The following TMEM132A variants were observed in gnomAD, a reference collection of about 807,000 sequenced individuals.
TMEM132A encodes GRP78-binding protein.
A neutral mutation model predicts 69.9 loss-of-function variants in TMEM132A; 48 were observed. The observed-to-expected ratio is 0.69, with a 90% CI of 0.55 to 0.87. TMEM132A has a LOEUF of 0.87. TMEM132A is among the 40% of genes least tolerant of loss of function. The pLI is 0.00. For synonymous variants in TMEM132A, 577 were observed against 613.7 expected, an observed-to-expected ratio of 0.94 and a Z score of 0.88; for missense variants, 1,287 against 1,407.2, an observed-to-expected ratio of 0.91 and a Z score of 1.37.
Position 60,937,126 on chromosome 11 carries a change from C to T in TMEM132A, c.*219C>T, listed in dbSNP as rs1166516162. 6.6e-7 allele frequency: 1 copy of T among 1,512,880 alleles called. No individual in the cohort carries two copies. The highest frequency in any genetic ancestry group is 8.9e-7 in the Non-Finnish European group (1 of 1,128,268). 93.7% of individuals were successfully genotyped at this position (1,512,880 alleles called of 1,614,324 possible). A position where few individuals can be genotyped will look rare whatever the true frequency, so the allele number is the denominator to read the frequency against. ...TGCCCCTTATTTATGGGAACCATTT[C>T]ATTCTAACAGAATAAACCGAGAAGG... On this transcript the variant is annotated 3_prime_UTR_variant, in exon 11 of 11. Transcript: ENST00000453848.
chr11:60,928,893 C>A lies in TMEM132A; in HGVS notation c.799C>A (p.Pro267Thr), dbSNP rs1856413232. 1 of 1,612,792 alleles carries A rather than the reference C, an allele frequency of 6.2e-7. No homozygotes were observed. Among genetic ancestry groups the A allele is most frequent in the Non-Finnish European group, 8.5e-7 (1 of 1,180,018 alleles). Residue 267 changes from proline to threonine, a missense_variant, in exon 4 of 11, where the codon CCC becomes ACC. Pro to Thr is a conservative substitution (Grantham distance 38). Coordinates refer to ENST00000453848, the MANE Select transcript of TMEM132A (RefSeq NM_178031.3). ...TLRVPDMPVRPGQLFSATLLL... is the reference protein window; with the variant it reads ...TLRVPDMPVRTGQLFSATLLL... ...GCGGGTGCCTGACATGCCAGTGCGG[C>A]CCGGCCAGCTCTTTAGTGCTACCCT...
At chr11:60,926,826 G>A (rs1221002720) in intron 1 of TMEM132A, among the ~76,000 whole-genome samples, 2 of 152,174 alleles carry the variant, frequency 1.3e-5, no homozygotes, top group African/African-American at 4.8e-5. Context: ...TACTACACTG[G>A]CCCAGTCTGC....
chr11:60,931,963 G>A (rs368941480), intron 6 of TMEM132A, 21 bp from the exon 7 acceptor site: 72 of 1,611,936 alleles, frequency 4.5e-5, no homozygotes, highest in Non-Finnish European at 5.8e-5. Flanking sequence ...GCCTGGGGCT[G>A]AGCCCCTCCT....
chr11:60,935,389 C>T lies in TMEM132A; in HGVS notation c.1974C>T (p.Pro658=), dbSNP rs749612894. 15 of 1,612,038 alleles carry T rather than the reference C, an allele frequency of 9.3e-6. No individual in the cohort carries two copies. Among genetic ancestry groups the T allele is most frequent in the South Asian group, 5.5e-5 (5 of 90,472 alleles). The part of the protein sequence containing the change: ...SLTLSRGTAH[P]GEVTATCWAQ... ...CCTTGAGCCGGGGCACTGCCCACCCCGGGGAGGTCACAGCTACGTGCTGGG... is the reference window on the plus strand; with the variant it reads ...CCTTGAGCCGGGGCACTGCCCACCCTGGGGAGGTCACAGCTACGTGCTGGG... Residue 658 remains proline, a synonymous_variant, in exon 10 of 11, where the codon CCC becomes CCT. Transcript: ENST00000453848. This position sits in a 1 kb window ranked among gnomAD's most constrained non-coding sequence, Gnocchi z 5.0.
Position 60,931,690 on chromosome 11 carries a change from C to A in TMEM132A, c.1018C>A (p.Pro340Thr), listed in dbSNP as rs1184959988. 3 of 1,607,398 alleles carry A rather than the reference C, an allele frequency of 1.9e-6. No individual in the cohort carries two copies. Among genetic ancestry groups the A allele is most frequent in the Non-Finnish European group, 2.6e-6 (3 of 1,175,226 alleles). The change falls in exon 6 of 11, where the codon CCC becomes ACC. Residue 340 changes from proline (P) to threonine (T), a missense_variant and splice_region_variant. Transcript: ENST00000453848. ...RAGLTEPDSS[P>T]LELSEFLWVD... ...TTCTCTGTCTCCTTTGGCCAGCAGT[C>A]CCCTTGAACTGTCTGAGTTCCTATG... is the stretch of plus-strand genomic sequence containing the variant.
intron 7 of TMEM132A, chr11:60,933,160 C>A (rs1856516395): frequency 1.0e-5 from 2 of 198,216 alleles, no homozygotes; most frequent in Non-Finnish European, 2.0e-5. Flanking sequence ...GGGCTGCTCT[C>A]TTCTGGCCCA....
At position 60,927,635 on chromosome 11, in the gene TMEM132A, C is replaced by T. The variant is rs1217751942; in HGVS notation, c.316-6C>T. 1 of 1,607,618 alleles carries T rather than the reference C, an allele frequency of 6.2e-7. No homozygotes were observed. On this transcript the variant is annotated splice_region_variant and splice_polypyrimidine_tract_variant and intron_variant, in intron 2 of 10. Coordinates refer to ENST00000453848, the MANE Select transcript of TMEM132A (RefSeq NM_178031.3). ...CTTTTGTTAAGCCCTCTCATTCTCC[C>T]TCCAGGTGGTCCCCCCTCGAGTCAC...
rs149205594 is a variant in TMEM132A at position 60,933,563 on chromosome 11, G to A, written c.1378G>A (p.Val460Met). 1.1e-4 allele frequency: 184 copies of A among 1,607,622 alleles called. No individual in the cohort carries two copies. In the African/African-American group the frequency reaches 2.0e-3, roughly 17 times the overall value. Residue 460 changes from valine (V) to methionine (M), a missense_variant, in exon 8 of 11, where the codon GTG becomes ATG. Physicochemically the swap from Val to Met is conservative, Grantham distance 21 (BLOSUM62 1). Transcript: ENST00000453848. ...ATAGGTGTCTGAGGCCTGTGATGCCGTGTTCGTGGCTGGCAAGGAGAGCCG... is the reference window on the plus strand; with the variant it reads ...ATAGGTGTCTGAGGCCTGTGATGCCATGTTCGTGGCTGGCAAGGAGAGCCG... ...VLQVSEACDA[V>M]FVAGKESRGA... is the part of the protein sequence containing the mutation.
In TMEM132A at chr11:60,934,752, C is replaced by T. The variant is rs1209451089; in HGVS notation, c.1824C>T (p.Val608=). The T allele has an allele frequency of 6.2e-7, 1 of 1,602,990 alleles. No homozygotes were observed. The highest frequency in any genetic ancestry group is 1.1e-5 in the South Asian group (1 of 90,272). Residue 608 remains valine, a synonymous_variant, in exon 9 of 11, where the codon GTC becomes GTT. Transcript: ENST00000453848. The part of the protein sequence containing the change: ...GRVVVGREPG[V]TSIEVRSPLS... ...TCGTGGTGGGCCGGGAGCCCGGTGT[C>T]ACCTCCATTGAGGTAAGCAGCTGGG... is the stretch of plus-strand genomic sequence containing the variant.
chr11:60,927,994 A>G (rs942427455), intron 3 of TMEM132A, 135 bp downstream of exon 3: 5 of 709,942 alleles, frequency 7.0e-6, no homozygotes, highest in Non-Finnish European at 9.2e-6. Context: ...TTCTGCCCCC[A>G]CTAGCTTTCA....
At position 60,928,736 on chromosome 11, in the gene TMEM132A, G is replaced by A; in HGVS notation, c.642G>A (p.Glu214=). 1 of 1,609,200 alleles carries A rather than the reference G, an allele frequency of 6.2e-7. No individual in the cohort carries two copies. The highest frequency in any genetic ancestry group is 8.5e-7 in the Non-Finnish European group (1 of 1,178,322). ...CCTACACGCTTGAGCCTGCAGCTGA[G>A]GGCCCTGGGGGCTGTGGCTCCGGCG... is the stretch of plus-strand genomic sequence containing the variant. ...ELAYTLEPAA[E]GPGGCGSGEE... The change falls in exon 4 of 11, where the codon GAG becomes GAA. Residue 214 remains glutamate, a synonymous_variant. Coordinates refer to ENST00000453848, the MANE Select transcript of TMEM132A (RefSeq NM_178031.3).
intron 1 of TMEM132A, among the ~76,000 whole-genome samples, chr11:60,926,261 G>A (rs1052616289): frequency 4.6e-5 from 7 of 152,126 alleles, no homozygotes; most frequent in African/African-American, 1.7e-4. Flanking sequence ...TGGAGACGCC[G>A]GATGGTCTAG....
At position 60,935,372 on chromosome 11, in the gene TMEM132A, C is replaced by T. The variant is rs779426844; in HGVS notation, c.1957C>T (p.Arg653Trp). ...PVMGISLTLS[R>W]GTAHPGEVTA... ...GATGGGCATCTCGCTGACCTTGAGC[C>T]GGGGCACTGCCCACCCCGGGGAGGT... The change falls in exon 10 of 11, where the codon CGG becomes TGG. Residue 653 changes from arginine (R) to tryptophan (W), a missense_variant. Arg to Trp is a moderately radical substitution (Grantham distance 101). Coordinates refer to ENST00000453848, the MANE Select transcript of TMEM132A (RefSeq NM_178031.3). The surrounding 1 kb of genome is among the most constrained non-coding windows in gnomAD (Gnocchi z 5.0). The T allele has an allele frequency of 4.8e-5, 78 of 1,612,506 alleles. No individual in the cohort carries two copies. Among genetic ancestry groups the T allele is most frequent in the East Asian group, 2.0e-4 (9 of 44,832 alleles).
chr11:60,927,938 C>G (rs1016386518), intron 3 of TMEM132A, 79 bp downstream of exon 3: 1 of 1,305,838 alleles, frequency 7.7e-7, no homozygotes, highest in South Asian at 1.4e-5. Flanking sequence ...AGAGAGGAAA[C>G]CCCCACTCCT....
chr11:60,935,113 T>C lies in TMEM132A; in HGVS notation c.1837-139T>C. ...CCTGCTGGGAGTACCCGGTTCCCTC[T>C]GGGTGGGGGCTGTCCGTGGCGAAGA... On this transcript the variant is annotated intron_variant, in intron 9 of 10. Transcript: ENST00000453848. The surrounding 1 kb of genome is among the most constrained non-coding windows in gnomAD (Gnocchi z 5.0). 1.3e-6 allele frequency: 1 copy of C among 782,676 alleles called. No homozygotes were observed. Among genetic ancestry groups the C allele is most frequent in the Non-Finnish European group, 2.0e-6 (1 of 492,384 alleles). The allele number at this position is 782,676 out of a possible 1,614,324, so 48.5% of individuals were successfully genotyped here.
chr11:60,926,996 T>G, intron 1 of TMEM132A: 1 of 618,894 alleles, frequency 1.6e-6, no homozygotes. Flanking sequence ...TGGACTCAGA[T>G]TCGAATCCTG....
chr11:60,934,883 G>A (rs1406297090), intron 9 of TMEM132A, 119 bp downstream of exon 9: 17 of 1,106,498 alleles, frequency 1.5e-5, no homozygotes, highest in South Asian at 4.9e-5. Context: ...GGAGTTGTGC[G>A]GTCTAGGTCT....
rs1158351645 is a variant in TMEM132A, at chr11:60,935,152, C to T, written c.1837-100C>T. 12 of 1,203,772 alleles carry T rather than the reference C, an allele frequency of 1.0e-5. No individual in the cohort carries two copies. Among genetic ancestry groups the T allele is most frequent in the Admixed American group, 2.3e-5 (1 of 43,596 alleles). The allele number at this position is 1,203,772 out of a possible 1,614,324, so 74.6% of individuals were successfully genotyped here. A position where few individuals can be genotyped will look rare whatever the true frequency, so the allele number is the denominator to read the frequency against. ...CCGTGGCGAAGACCTCCCCCACCTCCGGAGGGCAGCCCGTGAGGGTGCTGG... is the reference window on the plus strand; with the variant it reads ...CCGTGGCGAAGACCTCCCCCACCTCTGGAGGGCAGCCCGTGAGGGTGCTGG... On this transcript the variant is annotated intron_variant, in intron 9 of 10. Coordinates refer to ENST00000453848, the MANE Select transcript of TMEM132A (RefSeq NM_178031.3). The surrounding 1 kb of genome is among the most constrained non-coding windows in gnomAD (Gnocchi z 5.0).
At chr11:60,928,424 C>T (rs532989717) in intron 3 of TMEM132A, among the ~76,000 whole-genome samples, 2 of 152,128 alleles carry the variant, frequency 1.3e-5, no homozygotes, top group Non-Finnish European at 1.5e-5. Flanking sequence ...GAGTGGTCTG[C>T]GGACATGCTC....
Sources: allele counts gnomAD v4.1 joint callset (sites outside exome capture counted in the v4.1 genomes callset), GRCh38; gene constraint gnomAD v4.1.1; non-coding constraint Gnocchi (gnomAD v3.1); transcripts MANE v1.5; gene names NCBI Gene and HGNC (gene_info 2026-07-23, HGNC 2026-07-21).